The following PRKCE variants were observed in gnomAD, a reference collection of about 807,000 sequenced individuals.
The protein encoded by PRKCE is protein kinase C epsilon, also known as protein kinase C epsilon type.
PRKCE carries 16 observed loss-of-function variants against 85.4 expected under a neutral mutation model. That is an observed-to-expected ratio of 0.19 (90% confidence interval 0.13 to 0.28). The LOEUF is 0.28. Among genes scored for constraint, PRKCE ranks in the 10% least tolerant of loss-of-function variants. PRKCE has a pLI of 1.00. For missense variants in PRKCE, 573 were observed against 975.2 expected, an observed-to-expected ratio of 0.59 and a Z score of 5.49; for synonymous variants, 388 against 371.5, an observed-to-expected ratio of 1.04 and a Z score of -0.51.
Position 45,744,500 on chromosome 2 carries a change from T to TTTTCTTTCTTTCTTTCTTTCTTTCTTTC in PRKCE, c.348+92079_348+92080insCTTTCTTTCTTTCTTTCTTTCTTTCTTT, listed in dbSNP as rs1173068102. Among the ~76,000 whole-genome samples the TTTTCTTTCTTTCTTTCTTTCTTTCTTTC allele has an allele frequency of 6.1e-4, 52 of 84,750 alleles. 1 individual carries two copies. The highest frequency in any genetic ancestry group is 2.7e-3 in the African/African-American group (47 of 17,466). The allele number at this position is 84,750 out of a possible 152,430, so 55.6% of individuals were successfully genotyped here. A position where few individuals can be genotyped will look rare whatever the true frequency, so the allele number is the denominator to read the frequency against. ...TTCTTTCTTTCTTTTTCTTTCTTTC[T>TTTTCTTTCTTTCTTTCTTTCTTTCTTTC]TTTCTTTCTTTCTTTCTTTCTTTCT... On this transcript the variant is annotated intron_variant, in intron 1 of 14. Transcript: ENST00000306156.
intron 14 of PRKCE, among the ~76,000 whole-genome samples, chr2:46,181,961 A>T (rs995619782): frequency 1.3e-5 from 2 of 152,168 alleles, no homozygotes; most frequent in Non-Finnish European, 2.9e-5. Flanking sequence ...CTCTGCCTGG[A>T]TTATACCGGT....
chr2:46,084,446 G>C (rs183661375), intron 10 of PRKCE, among the ~76,000 whole-genome samples: 1 of 152,066 alleles, frequency 6.6e-6, no homozygotes, highest in Non-Finnish European at 1.5e-5. Context: ...AATGTGAGCC[G>C]GGCACGGTGG....
intron 10 of PRKCE, among the ~76,000 whole-genome samples, chr2:46,048,991 G>A (rs1425952265): frequency 6.6e-6 from 1 of 152,256 alleles, no homozygotes; most frequent in Non-Finnish European, 1.5e-5. Flanking sequence ...CTACACAGGA[G>A]GAACTCCAAA....
chr2:46,092,818 A>G (rs563002796), intron 11 of PRKCE, among the ~76,000 whole-genome samples: 1 of 152,122 alleles, frequency 6.6e-6, no homozygotes, highest in Non-Finnish European at 1.5e-5. Flanking sequence ...TGTGTGCCTT[A>G]ATCTCTGGAA....
intron 1 of PRKCE, among the ~76,000 whole-genome samples, chr2:45,744,417 CTTT>C (rs1558622981): frequency 2.9e-4 from 3 of 10,516 alleles, no homozygotes; most frequent in Admixed American, 1.6e-3. Context: ...CTTTTCTTTT[CTTT>C]CTTTCTTTCT....
intron 11 of PRKCE, among the ~76,000 whole-genome samples, chr2:46,142,694 A>G (rs1178274273): frequency 6.6e-6 from 1 of 152,238 alleles, no homozygotes; most frequent in Non-Finnish European, 1.5e-5. Context: ...GAGGGTGAGC[A>G]TCTGGGGCCA....
intron 2 of PRKCE, among the ~76,000 whole-genome samples, chr2:45,931,685 C>A (rs1699053908): frequency 6.6e-6 from 1 of 152,150 alleles, no homozygotes; most frequent in East Asian, 1.9e-4. Flanking sequence ...CAGAAAAATG[C>A]ATGGCTAGTG....
chr2:45,856,350 C>T (rs1055895870), intron 2 of PRKCE, among the ~76,000 whole-genome samples: 1 of 152,176 alleles, frequency 6.6e-6, no homozygotes, highest in East Asian at 1.9e-4. Flanking sequence ...CGTGCCTCAG[C>T]CTCCCGAGTA....
At chr2:46,012,831 T>G (rs543577585) in intron 10 of PRKCE, among the ~76,000 whole-genome samples, 2 of 152,360 alleles carry the variant, frequency 1.3e-5, no homozygotes, top group South Asian at 4.1e-4. Flanking sequence ...TGGCAGCTTT[T>G]GGAGCACAAA....
intron 6 of PRKCE, among the ~76,000 whole-genome samples, chr2:45,994,183 G>T (rs1574153191): frequency 6.6e-6 from 1 of 152,144 alleles, no homozygotes; most frequent in Admixed American, 6.5e-5. Context: ...AAGGTATAAA[G>T]ATTTTCCACA....
Position 46,030,831 on chromosome 2 carries a change from A to G in PRKCE, c.1437+20314A>G, listed in dbSNP as rs376723157. Among the ~76,000 whole-genome samples the G allele has an allele frequency of 5.3e-5, 8 of 152,184 alleles. No individual in the cohort carries two copies. The South Asian group carries it at 1.2e-3, about 24-fold the overall frequency. The stretch of plus-strand genomic sequence containing the variant: ...TAGTCCCTGTATTCCTGCACCACAA[A>G]CTCTAACATCCTTGCAGTCTTGGTC... On this transcript the variant is annotated intron_variant, in intron 10 of 14. Transcript: ENST00000306156.
intron 2 of PRKCE, among the ~76,000 whole-genome samples, chr2:45,872,028 G>T (rs569172585): frequency 6.6e-6 from 1 of 152,300 alleles, no homozygotes; most frequent in East Asian, 1.9e-4. Context: ...GTGAACAACA[G>T]ACAAAAAGCT....
At position 45,652,790 on chromosome 2, in the gene PRKCE, C is replaced by A. The variant is rs1675186976; in HGVS notation, c.348+342C>A. On this transcript the variant is annotated intron_variant, in intron 1 of 14. Coordinates refer to ENST00000306156, the MANE Select transcript of PRKCE (RefSeq NM_005400.3). This position sits in a 1 kb window ranked among gnomAD's most constrained non-coding sequence, Gnocchi z 7.7. Reference sequence around the variant, plus strand: ...CTTCCGCAGGCGCGTGGTGGGCTGGCTGTGTGTGATTGTGTGTGGGTGGGT... The same window carrying A: ...CTTCCGCAGGCGCGTGGTGGGCTGGATGTGTGTGATTGTGTGTGGGTGGGT... Among the ~76,000 whole-genome samples, 2 of 152,150 alleles carry A rather than the reference C, an allele frequency of 1.3e-5. No homozygotes were observed. The highest frequency in any genetic ancestry group is 1.3e-4 in the Admixed American group (2 of 15,282).
chr2:46,046,891 C>A (rs1708554948), intron 10 of PRKCE, among the ~76,000 whole-genome samples: 1 of 152,194 alleles, frequency 6.6e-6, no homozygotes, highest in Non-Finnish European at 1.5e-5. Context: ...ATTGAGTGAT[C>A]ATTGGTAGGA....
At chr2:45,755,617 G>A (rs138161992) in intron 1 of PRKCE, among the ~76,000 whole-genome samples, 2 of 152,304 alleles carry the variant, frequency 1.3e-5, no homozygotes, top group East Asian at 1.9e-4. Context: ...AAATATTTCA[G>A]TTGTAACCAT....
chr2:45,733,669 G>A (rs13005062), intron 1 of PRKCE, among the ~76,000 whole-genome samples: 68,533 of 151,866 alleles, frequency 0.45, 15,623 homozygotes, highest in African/African-American at 0.5. Flanking sequence ...GGCCTGAAAT[G>A]CCCTCTCTCC....
intron 10 of PRKCE, among the ~76,000 whole-genome samples, chr2:46,047,545 T>G (rs1365822322): frequency 2.6e-5 from 4 of 152,188 alleles, no homozygotes; most frequent in Non-Finnish European, 5.9e-5. Flanking sequence ...CTGTGTAACT[T>G]GAGGAGTTGG....
intron 1 of PRKCE, among the ~76,000 whole-genome samples, chr2:45,660,573 G>A (rs966629785): frequency 1.3e-5 from 2 of 152,160 alleles, no homozygotes; most frequent in African/African-American, 4.8e-5. Context: ...AACAAGAAAC[G>A]AAATTTCAAA....
intron 10 of PRKCE, among the ~76,000 whole-genome samples, chr2:46,034,502 A>G (rs1707733770): frequency 6.6e-6 from 1 of 152,104 alleles, no homozygotes; most frequent in Non-Finnish European, 1.5e-5. Context: ...TTGCATATAG[A>G]TCTCTAGCCA....
Sources: allele counts gnomAD v4.1 joint callset (sites outside exome capture counted in the v4.1 genomes callset), GRCh38; gene constraint gnomAD v4.1.1; non-coding constraint Gnocchi (gnomAD v3.1); transcripts MANE v1.5; gene names NCBI Gene and HGNC (gene_info 2026-07-23, HGNC 2026-07-21).